The following NOL4 variants were observed in gnomAD, a reference collection of about 807,000 sequenced individuals.
NOL4 encodes the protein cancer/testis antigen 125.
In NOL4, 17 loss-of-function variants were observed where a neutral mutation model predicts 75.9. The observed-to-expected ratio is 0.22, with a 90% CI of 0.15 to 0.34. NOL4 has a LOEUF of 0.34. Ranked by LOEUF, NOL4 falls within the 10% of genes least tolerant of loss-of-function variation. The pLI is 1.00. For missense variants in NOL4, 614 were observed against 793.5 expected, an observed-to-expected ratio of 0.77 and a Z score of 2.72; for synonymous variants, 292 against 289.9, an observed-to-expected ratio of 1.01 and a Z score of -0.07.
At chr18:34,036,252 C>A (rs760807842) in intron 5 of NOL4, among the ~76,000 whole-genome samples, 29 of 151,952 alleles carry the variant, frequency 1.9e-4, no homozygotes, top group Non-Finnish European at 4.0e-4. Flanking sequence ...AAAGCAACAG[C>A]ATATCAAAAA....
intron 5 of NOL4, among the ~76,000 whole-genome samples, chr18:34,080,340 T>C (rs192631462): frequency 7.2e-5 from 11 of 152,342 alleles, no homozygotes; most frequent in African/African-American, 2.6e-4. Context: ...ATCTGCAAGA[T>C]TGTGGGCCTC....
intron 5 of NOL4, among the ~76,000 whole-genome samples, chr18:34,033,253 T>A (rs2075729076): frequency 6.6e-6 from 1 of 152,038 alleles, no homozygotes; most frequent in African/African-American, 2.4e-5. Context: ...AATTATTGAT[T>A]CTTAAGAAAC....
At chr18:33,916,914 A>G (rs2066752615) in intron 9 of NOL4, among the ~76,000 whole-genome samples, 1 of 152,108 alleles carries the variant, frequency 6.6e-6, no homozygotes, top group Non-Finnish European at 1.5e-5. Flanking sequence ...AGTCATTAAA[A>G]TAAAAGCAAT....
chr18:33,852,734 C>G lies in NOL4; in HGVS notation c.*108G>C. 1 of 940,336 alleles carries G rather than the reference C, an allele frequency of 1.1e-6. No individual in the cohort carries two copies. Among genetic ancestry groups the G allele is most frequent in the South Asian group, 1.6e-5 (1 of 60,708 alleles). The allele number at this position is 940,336 out of a possible 1,614,324, so 58.2% of individuals were successfully genotyped here. A position where few individuals can be genotyped will look rare whatever the true frequency, so the allele number is the denominator to read the frequency against. ...ACAATGTGGCATAATGGAAGTATTT[C>G]TCTTAAAAGACTGTGCAGTAAGACC... is the stretch of plus-strand genomic sequence containing the variant. On this transcript the variant is annotated 3_prime_UTR_variant, in exon 11 of 11. Transcript: ENST00000261592.
intron 1 of NOL4, among the ~76,000 whole-genome samples, chr18:34,178,386 A>G (rs2033742830): frequency 6.6e-6 from 1 of 151,788 alleles, no homozygotes; most frequent in African/African-American, 2.4e-5. Flanking sequence ...GAAGCAGGTT[A>G]TTTTGTATCA....
intron 2 of NOL4, among the ~76,000 whole-genome samples, chr18:34,116,054 T>A (rs185287830): frequency 1.3e-5 from 2 of 152,290 alleles, no homozygotes; most frequent in East Asian, 1.9e-4. Flanking sequence ...AAATAATAGA[T>A]TAAATTATTT....
chr18:34,010,568 A>G (rs1045220089), intron 6 of NOL4, among the ~76,000 whole-genome samples: 2 of 151,896 alleles, frequency 1.3e-5, no homozygotes, highest in Admixed American at 1.3e-4. Context: ...TTACAAATGC[A>G]TGGCAGTGGG....
At chr18:33,889,672 CA>C (rs1239546930) in intron 9 of NOL4, among the ~76,000 whole-genome samples, 3 of 152,050 alleles carry the variant, frequency 2.0e-5, no homozygotes, top group African/African-American at 7.2e-5. Flanking sequence ...AACAGCACAT[CA>C]AAAAGTTTAT....
chr18:33,906,046 T>C (rs1381345713), intron 9 of NOL4, among the ~76,000 whole-genome samples: 1 of 152,228 alleles, frequency 6.6e-6, no homozygotes, highest in Non-Finnish European at 1.5e-5. Context: ...GTGATATCTT[T>C]TAGGGTAACT....
At chr18:33,926,979 C>T (rs2067372960) in intron 9 of NOL4, among the ~76,000 whole-genome samples, 2 of 152,114 alleles carry the variant, frequency 1.3e-5, no homozygotes, top group African/African-American at 4.8e-5. Flanking sequence ...CAGCTATAAT[C>T]TTTTTATGTA....
At chr18:33,967,761 C>T (rs1435816984) in intron 6 of NOL4, among the ~76,000 whole-genome samples, 2 of 152,042 alleles carry the variant, frequency 1.3e-5, no homozygotes, top group Non-Finnish European at 2.9e-5. Context: ...AATAAGATAC[C>T]ATCTCACTCC....
intron 9 of NOL4, among the ~76,000 whole-genome samples, chr18:33,922,710 T>TA (rs1167127425): frequency 1.3e-5 from 2 of 152,226 alleles, no homozygotes; most frequent in Non-Finnish European, 2.9e-5. Flanking sequence ...CTACTGAAAC[T>TA]AATATAGTTT....
At chr18:34,088,344 AT>A (rs1426215531) in intron 5 of NOL4, among the ~76,000 whole-genome samples, 1 of 152,068 alleles carries the variant, frequency 6.6e-6, no homozygotes, top group Admixed American at 6.6e-5. Context: ...AAAGTAAGTA[AT>A]TGATTTAGGA....
intron 6 of NOL4, among the ~76,000 whole-genome samples, chr18:33,959,969 A>T (rs1420494633): frequency 3.3e-5 from 5 of 151,892 alleles, no homozygotes; most frequent in Non-Finnish European, 5.9e-5. Context: ...GTGTATGCAC[A>T]TGTGTGTATA....
At chr18:34,184,581 T>G (rs2034312372) in intron 1 of NOL4, among the ~76,000 whole-genome samples, 2 of 152,188 alleles carry the variant, frequency 1.3e-5, no homozygotes, top group South Asian at 4.1e-4. Flanking sequence ...TTGATACTAG[T>G]TTGATGGCAA....
rs115946019 is a variant in NOL4 at position 33,920,908 on chromosome 18, C to T, written c.1542+22157G>A. ...AGGCCAGCCAGCTGGACATCATTGG[C>T]GAAGAGGTCGCGGCCACTGCCCAGG... On this transcript the variant is annotated intron_variant, in intron 9 of 10. Coordinates refer to ENST00000261592, the MANE Select transcript of NOL4 (RefSeq NM_003787.5). Among the ~76,000 whole-genome samples the T allele has an allele frequency of 5.7e-3, 868 of 152,252 alleles. 13 individuals carry two copies. Among genetic ancestry groups the T allele is most frequent in the African/African-American group, 0.019 (786 of 41,540 alleles).
At chr18:34,202,222 G>A (rs2035793049) in intron 1 of NOL4, among the ~76,000 whole-genome samples, 1 of 151,780 alleles carries the variant, frequency 6.6e-6, no homozygotes, top group African/African-American at 2.4e-5. Flanking sequence ...ACCATGCAGG[G>A]TTCTAAGGAT....
intron 9 of NOL4, among the ~76,000 whole-genome samples, chr18:33,927,459 A>G (rs1037358019): frequency 2.0e-5 from 3 of 152,174 alleles, no homozygotes; most frequent in Non-Finnish European, 4.4e-5. Context: ...TCTCCTTAAC[A>G]GGGTGTAAAT....
intron 5 of NOL4, among the ~76,000 whole-genome samples, chr18:34,020,614 G>T (rs1267347851): frequency 1.3e-5 from 2 of 152,076 alleles, no homozygotes; most frequent in Non-Finnish European, 2.9e-5. Flanking sequence ...ACCACAAATA[G>T]ATTATTTAAA....
Sources: allele counts gnomAD v4.1 joint callset (sites outside exome capture counted in the v4.1 genomes callset), GRCh38; gene constraint gnomAD v4.1.1; transcripts MANE v1.5; gene names NCBI Gene and HGNC (gene_info 2026-07-23, HGNC 2026-07-21).